The following ADAM29 variants were observed in gnomAD, a reference collection of about 807,000 sequenced individuals.
ADAM29 encodes disintegrin and metalloproteinase domain-containing protein 29.
For missense variants in ADAM29, 969 were observed against 1,001.8 expected, an observed-to-expected ratio of 0.97 and a Z score of 0.44; for synonymous variants, 367 against 342.3, an observed-to-expected ratio of 1.07 and a Z score of -0.80.
chr4:174,975,375 A>C lies in ADAM29; in HGVS notation c.-151A>C. On this transcript the variant is annotated 5_prime_UTR_variant, in exon 5 of 5. Coordinates refer to ENST00000359240, the MANE Select transcript of ADAM29 (RefSeq NM_014269.4). ...GCAGCTCTGATGGTTCAACTCTGCC[A>C]AAAGATGGATCTTTAATGATTAGCA... The C allele has an allele frequency of 1.6e-6, 1 of 606,388 alleles. No individual in the cohort carries two copies. The highest frequency in any genetic ancestry group is 2.5e-6 in the Non-Finnish European group (1 of 396,408). The allele number at this position is 606,388 out of a possible 1,614,324, so 37.6% of individuals were successfully genotyped here.
In ADAM29 at chr4:174,976,581, T is replaced by G; in HGVS notation, c.1056T>G (p.Pro352=). The stretch of plus-strand genomic sequence containing the variant: ...AGGATACATGTCGTTGTTCACAACC[T>G]AGATGCATAATGCATGAAGGCAACC... ...HDEDTCRCSQ[P]RCIMHEGNPP... Residue 352 remains proline, a synonymous_variant, in exon 5 of 5, where the codon CCT becomes CCG. Transcript: ENST00000359240. 1.2e-6 allele frequency: 2 copies of G among 1,603,610 alleles called. No individual in the cohort carries two copies. Among genetic ancestry groups the G allele is most frequent in the Non-Finnish European group, 1.7e-6 (2 of 1,174,930 alleles).
At chr4:174,942,644 C>A (rs1744604867) in intron 4 of ADAM29, among the ~76,000 whole-genome samples, 1 of 152,136 alleles carries the variant, frequency 6.6e-6, no homozygotes, top group African/African-American at 2.4e-5. Context: ...CCCACAAAAC[C>A]ATTTTTCCCT....
chr4:174,962,462 A>T (rs577687215), intron 4 of ADAM29, among the ~76,000 whole-genome samples: 25 of 150,958 alleles, frequency 1.7e-4, no homozygotes, highest in African/African-American at 5.9e-4. Context: ...CAGTGAGCCG[A>T]GATCGCGCCA....
intron 3 of ADAM29, among the ~76,000 whole-genome samples, chr4:174,935,404 A>G (rs937745746): frequency 2.0e-5 from 3 of 152,156 alleles, no homozygotes; most frequent in African/African-American, 4.8e-5. Flanking sequence ...TTGGGACACT[A>G]TGAGGTTTGG....
chr4:174,967,931 A>G (rs779931856), intron 4 of ADAM29, among the ~76,000 whole-genome samples: 9 of 152,212 alleles, frequency 5.9e-5, no homozygotes, highest in Non-Finnish European at 1.3e-4. Flanking sequence ...TTCTGATTTA[A>G]TACTCACAAA....
intron 4 of ADAM29, among the ~76,000 whole-genome samples, chr4:174,937,706 A>AT (rs898435808): frequency 2.6e-5 from 4 of 151,924 alleles, no homozygotes; most frequent in Non-Finnish European, 4.4e-5. Context: ...ATTTCAGAGT[A>AT]TTTTTTTGTT....
At chr4:174,940,586 C>T (rs897756756) in intron 4 of ADAM29, among the ~76,000 whole-genome samples, 6 of 152,024 alleles carry the variant, frequency 3.9e-5, no homozygotes, top group African/African-American at 1.4e-4. Flanking sequence ...ATACTAGGAT[C>T]TTCTATTTTG....
chr4:174,956,387 A>C (rs1007069151), intron 4 of ADAM29, among the ~76,000 whole-genome samples: 8 of 151,940 alleles, frequency 5.3e-5, no homozygotes, highest in African/African-American at 1.4e-4. Context: ...ATTTCTAGAG[A>C]TAATTTTATT....
At position 174,977,355 on chromosome 4, in the gene ADAM29, C is replaced by T. The variant is rs754918738; in HGVS notation, c.1830C>T (p.Cys610=). 6.2e-7 allele frequency: 1 copy of T among 1,613,522 alleles called. No homozygotes were observed. The highest frequency in any genetic ancestry group is 8.5e-7 in the Non-Finnish European group (1 of 1,180,012). Residue 610 remains cysteine, a synonymous_variant, in exon 5 of 5, where the codon TGC becomes TGT. Coordinates refer to ENST00000359240, the MANE Select transcript of ADAM29 (RefSeq NM_014269.4). ...CAGAGTGTGGGATAGATCATATATGCATCCACAGGCACTGTGTCCATATAA... is the reference window on the plus strand; with the variant it reads ...CAGAGTGTGGGATAGATCATATATGTATCCACAGGCACTGTGTCCATATAA... The part of the protein sequence containing the change: ...DGTECGIDHI[C]IHRHCVHITI...
Position 174,930,522 on chromosome 4 carries a change from T to G in ADAM29, c.-450-464T>G, listed in dbSNP as rs200899487. Reference sequence around the variant, plus strand: ...TTATTTTTCCAGAAAAGTAACAATTTTGTATCAAAACTTGGAATGTCATAT... The same window carrying G: ...TTATTTTTCCAGAAAAGTAACAATTGTGTATCAAAACTTGGAATGTCATAT... On this transcript the variant is annotated intron_variant, in intron 2 of 4. Transcript: ENST00000359240. Among the ~76,000 whole-genome samples the G allele has an allele frequency of 2.6e-5, 4 of 152,302 alleles. No homozygotes were observed. In the East Asian group the frequency reaches 7.7e-4, roughly 29 times the overall value.
At chr4:174,969,266 C>T (rs940524260) in intron 4 of ADAM29, among the ~76,000 whole-genome samples, 8 of 151,412 alleles carry the variant, frequency 5.3e-5, no homozygotes, top group Non-Finnish European at 5.9e-5. Flanking sequence ...TCATCACCAT[C>T]ATCATTGTCT....
intron 4 of ADAM29, among the ~76,000 whole-genome samples, chr4:174,962,283 G>A (rs542541338): frequency 1.7e-4 from 26 of 152,126 alleles, no homozygotes; most frequent in Middle Eastern, 3.4e-3. Context: ...AGGCCGGGGC[G>A]GGCAGATCAT....
rs1744324868 is a variant in ADAM29, at chr4:174,938,465, C to A, written c.-181+1452C>A. On this transcript the variant is annotated intron_variant, in intron 4 of 4. Transcript: ENST00000359240. ...TTTCTTAAGGTTTTATTTGTAATAT[C>A]ATTTTTATGAAGGAGGAGGAAAAAC... Among the ~76,000 whole-genome samples the A allele has an allele frequency of 2.0e-5, 3 of 152,026 alleles. No homozygotes were observed. The South Asian group carries it at 6.2e-4, about 32-fold the overall frequency.
At chr4:174,956,440 C>T (rs4695988) in intron 4 of ADAM29, among the ~76,000 whole-genome samples, 62,503 of 150,776 alleles carry the variant, frequency 0.41, 13,343 homozygotes, top group African/African-American at 0.52. Flanking sequence ...GAAAAATGTC[C>T]ATATCTATAT....
At chr4:174,953,565 A>G (rs1351331520) in intron 4 of ADAM29, among the ~76,000 whole-genome samples, 1 of 152,230 alleles carries the variant, frequency 6.6e-6, no homozygotes, top group Non-Finnish European at 1.5e-5. Context: ...TACAGCATTC[A>G]AAGGAGAATA....
At chr4:174,941,548 G>A (rs1276706050) in intron 4 of ADAM29, among the ~76,000 whole-genome samples, 1 of 152,042 alleles carries the variant, frequency 6.6e-6, no homozygotes, top group Non-Finnish European at 1.5e-5. Context: ...CAGGGAGCAG[G>A]GACAGTGCCA....
At chr4:174,941,606 A>G (rs1156585912) in intron 4 of ADAM29, among the ~76,000 whole-genome samples, 1 of 152,074 alleles carries the variant, frequency 6.6e-6, no homozygotes, top group Non-Finnish European at 1.5e-5. Flanking sequence ...TGTCATGGGA[A>G]CAGCATGGGA....
At chr4:174,947,337 T>C (rs545665711) in intron 4 of ADAM29, among the ~76,000 whole-genome samples, 2 of 152,102 alleles carry the variant, frequency 1.3e-5, no homozygotes, top group African/African-American at 4.8e-5. Flanking sequence ...CTAGATAACA[T>C]GTTGGTTGTC....
At chr4:174,969,170 A>C (rs866570964) in intron 4 of ADAM29, among the ~76,000 whole-genome samples, 1 of 151,018 alleles carries the variant, frequency 6.6e-6, no homozygotes, top group Non-Finnish European at 1.5e-5. Context: ...ATTTATTAAA[A>C]TTTTTTTTAT....
Sources: allele counts gnomAD v4.1 joint callset (sites outside exome capture counted in the v4.1 genomes callset), GRCh38; gene constraint gnomAD v4.1.1; transcripts MANE v1.5; gene names NCBI Gene and HGNC (gene_info 2026-07-23, HGNC 2026-07-21).